ADGRD1: variants seen among roughly 807,000 people sequenced by gnomAD.
ADGRD1 encodes adhesion G protein-coupled receptor D1.
Under a neutral mutation model 113.4 loss-of-function variants are expected in ADGRD1, and 77 were observed. That is an observed-to-expected ratio of 0.68 (90% confidence interval 0.57 to 0.82). The LOEUF (loss-of-function observed/expected upper bound fraction) is 0.82. ADGRD1 is among the 40% of genes least tolerant of loss of function. The pLI, the probability that ADGRD1 is intolerant of heterozygous loss-of-function variation, is 0.00. For missense variants in ADGRD1, 1,036 were observed against 1,139.1 expected (o/e 0.91, Z 1.30); for synonymous variants, 474 against 475.0 (o/e 1.00, Z 0.03).
At chr12:131,044,347 G>T (rs1411905569) in intron 13 of ADGRD1, among the ~76,000 whole-genome samples, 1 of 152,164 alleles carries the variant, frequency 6.6e-6, no homozygotes, top group African/African-American at 2.4e-5. Flanking sequence ...GGGTCCGCGC[G>T]TGTTGCTGTC....
At chr12:131,074,862 C>T (rs569682981) in intron 13 of ADGRD1, among the ~76,000 whole-genome samples, 8 of 152,330 alleles carry the variant, frequency 5.3e-5, no homozygotes, top group Non-Finnish European at 7.3e-5. Context: ...CCCCACCCTC[C>T]GACCACACAC....
At position 131,022,055 on chromosome 12, in the gene ADGRD1, A is replaced by G. The variant is rs1160910020; in HGVS notation, c.1473+7715A>G. ...TCACGTTGGATTAGGGCCTACTCTA[A>G]TGACCTCATTTTATCTTAATCACCC... On this transcript the variant is annotated intron_variant, in intron 13 of 24. Coordinates refer to ENST00000261654, the MANE Select transcript of ADGRD1 (RefSeq NM_198827.5). The surrounding 1 kb of genome is among the most constrained non-coding windows in gnomAD (Gnocchi z 4.6). Among the ~76,000 whole-genome samples the G allele has an allele frequency of 1.3e-5, 2 of 152,044 alleles. No homozygotes were observed. The highest frequency in any genetic ancestry group is 2.9e-5 in the Non-Finnish European group (2 of 68,014).
At chr12:130,995,886 A>C (rs1445895562) in intron 8 of ADGRD1, among the ~76,000 whole-genome samples, 1 of 152,190 alleles carries the variant, frequency 6.6e-6, no homozygotes, top group Non-Finnish European at 1.5e-5. Flanking sequence ...AAACAAGTGA[A>C]CAAAGGTCTC....
intron 24 of ADGRD1, among the ~76,000 whole-genome samples, chr12:131,138,448 G>A (rs550688611): frequency 4.3e-4 from 66 of 152,290 alleles, no homozygotes; most frequent in African/African-American, 1.5e-3. Context: ...CCTTGACCCC[G>A]AAGAGTCAGG....
intron 15 of ADGRD1, among the ~76,000 whole-genome samples, chr12:131,087,939 C>T (rs1886606056): frequency 6.6e-6 from 1 of 152,230 alleles, no homozygotes; most frequent in African/African-American, 2.4e-5. Context: ...ATGGACCAGG[C>T]CTCAGTTTGA....
intron 13 of ADGRD1, among the ~76,000 whole-genome samples, chr12:131,036,967 TCTTA>T (rs200802036): frequency 2.3e-5 from 2 of 87,174 alleles, no homozygotes; most frequent in Non-Finnish European, 4.9e-5. Context: ...AGCAACAGAA[TCTTA>T]CTCACTGCAT....
In ADGRD1 at chr12:131,140,221, C is replaced by T. The variant is rs1485278444; in HGVS notation, c.*958C>T. ...GCTTTCCCCAGAGGCTTCCTCATGG[C>T]TCACAGGCACTCTACGAAGTTTCTA... is the stretch of plus-strand genomic sequence containing the variant. On this transcript the variant is annotated 3_prime_UTR_variant, in exon 25 of 25. Coordinates refer to ENST00000261654, the MANE Select transcript of ADGRD1 (RefSeq NM_198827.5). 2.0e-5 allele frequency: 3 copies of T among 152,268 alleles called. No homozygotes were observed. The highest frequency in any genetic ancestry group is 7.2e-5 in the African/African-American group (3 of 41,460). The allele number at this position is 152,268 out of a possible 1,614,324, so 9.4% of individuals were successfully genotyped here.
chr12:130,987,008 G>A (rs1873770053), intron 5 of ADGRD1, 87 bp from the exon 6 acceptor site: 2 of 1,151,906 alleles, frequency 1.7e-6, no homozygotes, highest in South Asian at 1.4e-5. Flanking sequence ...CCTTAAGAAA[G>A]AAGGATGTGC....
At chr12:131,125,321 T>A (rs1470634522) in intron 20 of ADGRD1, among the ~76,000 whole-genome samples, 4 of 152,128 alleles carry the variant, frequency 2.6e-5, no homozygotes, top group Non-Finnish European at 5.9e-5. Flanking sequence ...GGACTCTGGA[T>A]GTCAGGGGCA....
intron 13 of ADGRD1, among the ~76,000 whole-genome samples, chr12:131,033,543 G>A (rs902607941): frequency 5.3e-5 from 8 of 152,222 alleles, no homozygotes; most frequent in Non-Finnish European, 8.8e-5. Context: ...GCTGGGTTGC[G>A]CAGGTGTGCA....
rs146298824 is a variant in ADGRD1, at chr12:131,057,911, G to A, written c.1474-18890G>A. Among the ~76,000 whole-genome samples, 310 of 152,258 alleles carry A rather than the reference G, an allele frequency of 2.0e-3. 1 individual carries two copies. The highest frequency in any genetic ancestry group is 3.4e-3 in the Non-Finnish European group (231 of 68,024). On this transcript the variant is annotated intron_variant, in intron 13 of 24. Coordinates refer to ENST00000261654, the MANE Select transcript of ADGRD1 (RefSeq NM_198827.5). This position sits in a 1 kb window ranked among gnomAD's most constrained non-coding sequence, Gnocchi z 4.2. ...CTTTCCTGCAGGACTGACCGCAGCC[G>A]TCTTCGTGCTCATCTCGCTTCTTTC...
intron 13 of ADGRD1, among the ~76,000 whole-genome samples, chr12:131,058,381 C>G (rs1884053602): frequency 6.6e-6 from 1 of 152,192 alleles, no homozygotes; most frequent in African/African-American, 2.4e-5. Flanking sequence ...TTTCAGTGAT[C>G]TGTTTGGAAT....
chr12:131,054,035 C>A (rs1189716311), intron 13 of ADGRD1, among the ~76,000 whole-genome samples: 7 of 152,162 alleles, frequency 4.6e-5, no homozygotes, highest in African/African-American at 1.7e-4. Context: ...GGTTTTAACC[C>A]CTCACCACAA....
At position 131,108,884 on chromosome 12, in the gene ADGRD1, GGGGCA is replaced by G; in HGVS notation, c.2041+15_2041+19del. The G allele has an allele frequency of 6.3e-7, 1 of 1,590,372 alleles. No homozygotes were observed. The highest frequency in any genetic ancestry group is 8.6e-7 in the Non-Finnish European group (1 of 1,162,060). ...TACTATGGGATGGGATGGGGTAGGT[GGGGCA>G]GGGCAGGTGGGATGGCGGGGCGGGA... is the stretch of plus-strand genomic sequence containing the variant. On this transcript the variant is annotated splice_region_variant and intron_variant, in intron 18 of 24. Transcript: ENST00000261654.
intron 20 of ADGRD1, among the ~76,000 whole-genome samples, chr12:131,126,463 AG>A (rs1950739723): frequency 6.6e-6 from 1 of 152,216 alleles, no homozygotes; most frequent in South Asian, 2.1e-4. Flanking sequence ...AAACAGACTG[AG>A]GCACCCACTG....
intron 20 of ADGRD1, chr12:131,122,074 CTG>C (rs911864198): frequency 1.3e-5 from 2 of 152,388 alleles, no homozygotes; most frequent in Admixed American, 1.3e-4. Context: ...GTGCCTGTCT[CTG>C]AGGGCCCTGG....
At chr12:131,031,053 C>T (rs1023443706) in intron 13 of ADGRD1, among the ~76,000 whole-genome samples, 29 of 152,180 alleles carry the variant, frequency 1.9e-4, no homozygotes, top group Non-Finnish European at 3.8e-4. Context: ...CATGGGAGCC[C>T]GGAACGCAGG....
intron 15 of ADGRD1, chr12:131,092,043 T>C (rs1340459972): frequency 6.6e-6 from 1 of 152,268 alleles, no homozygotes; most frequent in Non-Finnish European, 1.5e-5. Flanking sequence ...GAATGCCACA[T>C]GCGTGCTGGT....
At chr12:131,091,819 A>C (rs1396522561) in intron 15 of ADGRD1, 1 of 152,192 alleles carries the variant, frequency 6.6e-6, no homozygotes, top group African/African-American at 2.4e-5. Flanking sequence ...ATTGTGTGAT[A>C]TGATCAAATG....
Sources: allele counts gnomAD v4.1 joint callset (sites outside exome capture counted in the v4.1 genomes callset), GRCh38; gene constraint gnomAD v4.1.1; non-coding constraint Gnocchi (gnomAD v3.1); transcripts MANE v1.5; gene names NCBI Gene and HGNC (gene_info 2026-07-23, HGNC 2026-07-21).